The following COL4A3 variants were observed in gnomAD, a reference collection of about 807,000 sequenced individuals.
COL4A3 encodes collagen alpha-3(IV) chain.
A neutral mutation model predicts 217.4 loss-of-function variants in COL4A3; 135 were observed. That is an observed-to-expected ratio of 0.62 (90% confidence interval 0.54 to 0.72). The LOEUF (loss-of-function observed/expected upper bound fraction) is 0.72, where lower values mean the gene tolerates loss of function less well. Among genes scored for constraint, COL4A3 ranks in the 30% least tolerant of loss-of-function variants. The pLI, the probability that COL4A3 is intolerant of heterozygous loss-of-function variation, is 0.00. For synonymous variants in COL4A3, 690 were observed against 736.3 expected, an observed-to-expected ratio of 0.94 and a Z score of 1.02; for missense variants, 1,868 against 2,119.9, an observed-to-expected ratio of 0.88 and a Z score of 2.33.
At chr2:227,210,563 C>G (rs541271925) in intron 1 of COL4A3, among the ~76,000 whole-genome samples, 33 of 152,252 alleles carry the variant, frequency 2.2e-4, no homozygotes, top group African/African-American at 7.5e-4. Context: ...GCACACCAGC[C>G]TGGGTGACAG....
chr2:227,209,003 A>T (rs2067211326), intron 1 of COL4A3, among the ~76,000 whole-genome samples: 1 of 152,218 alleles, frequency 6.6e-6, no homozygotes, highest in African/African-American at 2.4e-5. Context: ...CAAGTTGAGG[A>T]ATTCCCAAGG....
At chr2:227,226,806 T>A (rs1044783942) in intron 1 of COL4A3, among the ~76,000 whole-genome samples, 4 of 152,108 alleles carry the variant, frequency 2.6e-5, no homozygotes, top group Admixed American at 1.3e-4. Context: ...TATATTGCCA[T>A]AGAAAAAATA....
chr2:227,208,215 C>T (rs1263581862), intron 1 of COL4A3, among the ~76,000 whole-genome samples: 1 of 152,172 alleles, frequency 6.6e-6, no homozygotes, highest in Admixed American at 6.5e-5. Context: ...GATAACAGCC[C>T]TTTCCCAAAA....
intron 5 of COL4A3, among the ~76,000 whole-genome samples, chr2:227,245,307 T>A (rs973283644): frequency 4.6e-5 from 7 of 150,690 alleles, no homozygotes; most frequent in African/African-American, 1.2e-4. Flanking sequence ...CAAAAATATT[T>A]AAAAAAAAAC....
chr2:227,276,549 C>T, intron 27 of COL4A3, 72 bp downstream of exon 27: 2 of 1,151,922 alleles, frequency 1.7e-6, no homozygotes, highest in East Asian at 2.3e-5. Context: ...TGGAAAAATA[C>T]TGTCCCCATT....
Position 227,290,018 on chromosome 2 carries a change from C to T in COL4A3, c.3000C>T (p.Gly1000=). 6.2e-7 allele frequency: 1 copy of T among 1,614,092 alleles called. No individual in the cohort carries two copies. The highest frequency in any genetic ancestry group is 8.5e-7 in the Non-Finnish European group (1 of 1,179,986). Reference sequence around the variant, plus strand: ...CTCAAGGCCCCAGAGGAGATTTGGGCAGCACTGGGAATCCTGGAGAACCAG... The same window carrying T: ...CTCAAGGCCCCAGAGGAGATTTGGGTAGCACTGGGAATCCTGGAGAACCAG... The part of the protein sequence containing the change: ...AGPPGPRGDL[G]STGNPGEPGL... The change falls in exon 36 of 52, where the codon GGC becomes GGT. Residue 1000 remains glycine, a synonymous_variant. Coordinates refer to ENST00000396578, the MANE Select transcript of COL4A3 (RefSeq NM_000091.5).
At chr2:227,217,384 C>A (rs982769881) in intron 1 of COL4A3, among the ~76,000 whole-genome samples, 3 of 152,170 alleles carry the variant, frequency 2.0e-5, no homozygotes, top group Non-Finnish European at 4.4e-5. Flanking sequence ...TACCACCTTG[C>A]TCCTTTTGTA....
chr2:227,294,306 C>G (rs1229477210), intron 38 of COL4A3, 184 bp from the exon 39 acceptor site: 2 of 654,528 alleles, frequency 3.1e-6, no homozygotes, highest in Non-Finnish European at 2.8e-6. Context: ...TTAGACACAT[C>G]TCTGCACTGG....
chr2:227,165,968 C>A (rs2065254917), intron 1 of COL4A3, among the ~76,000 whole-genome samples: 1 of 152,176 alleles, frequency 6.6e-6, no homozygotes, highest in South Asian at 2.1e-4. Context: ...AATTTACACA[C>A]ACACATATGA....
At chr2:227,244,821 C>A in intron 4 of COL4A3, 130 bp from the exon 5 acceptor site, 1 of 934,356 alleles carries the variant, frequency 1.1e-6, no homozygotes, top group Non-Finnish European at 1.8e-6. Context: ...TTTTCCCAAT[C>A]GTTTCGAGCT....
chr2:227,260,059 G>A lies in COL4A3; in HGVS notation c.1114+182G>A, dbSNP rs368583482. The A allele has an allele frequency of 8.0e-6, 6 of 751,230 alleles. No individual in the cohort carries two copies. In the African/African-American group the frequency reaches 1.0e-4, roughly 13 times the overall value. 46.5% of individuals were successfully genotyped at this position (751,230 alleles called of 1,614,324 possible). Reference sequence around the variant, plus strand: ...TCTTCATATTTTTATTTCATAGGTTGTATACCAGGAAGGTAATTAAATTAT... The same window carrying A: ...TCTTCATATTTTTATTTCATAGGTTATATACCAGGAAGGTAATTAAATTAT... On this transcript the variant is annotated intron_variant, in intron 19 of 51. Coordinates refer to ENST00000396578, the MANE Select transcript of COL4A3 (RefSeq NM_000091.5).
In COL4A3 at chr2:227,253,465, A is replaced by T; in HGVS notation, c.688-96A>T. ...TTCATTTGTTCTATCTTCCCGTATA[A>T]GCACTAAAGGGGAAAAGTAGACCTT... is the stretch of plus-strand genomic sequence containing the variant. On this transcript the variant is annotated intron_variant, in intron 12 of 51. Coordinates refer to ENST00000396578, the MANE Select transcript of COL4A3 (RefSeq NM_000091.5). This position sits in a 1 kb window ranked among gnomAD's most constrained non-coding sequence, Gnocchi z 4.4. 7.1e-7 allele frequency: 1 copy of T among 1,407,458 alleles called. No homozygotes were observed. Among genetic ancestry groups the T allele is most frequent in the Non-Finnish European group, 1.0e-6 (1 of 991,694 alleles). 87.2% of individuals were successfully genotyped at this position (1,407,458 alleles called of 1,614,324 possible). A position where few individuals can be genotyped will look rare whatever the true frequency, so the allele number is the denominator to read the frequency against.
chr2:227,204,191 A>G (rs1203184700), intron 1 of COL4A3, among the ~76,000 whole-genome samples: 2 of 152,198 alleles, frequency 1.3e-5, no homozygotes, highest in African/African-American at 2.4e-5. Flanking sequence ...AAAATTACCT[A>G]GTCTTTCTGT....
chr2:227,284,438 C>G, intron 34 of COL4A3, 93 bp downstream of exon 34: 2 of 1,386,536 alleles, frequency 1.4e-6, no homozygotes, highest in Non-Finnish European at 2.0e-6. Context: ...CAAATAAGGA[C>G]AGTGAGGGCC....
chr2:227,188,613 C>T (rs114750520), intron 1 of COL4A3, among the ~76,000 whole-genome samples: 2,570 of 152,284 alleles, frequency 0.017, 83 homozygotes, highest in African/African-American at 0.058. Context: ...TTGTTTAAAA[C>T]TGGAACCATT....
At chr2:227,241,579 TAGG>T (rs1170342100) in intron 3 of COL4A3, among the ~76,000 whole-genome samples, 1 of 151,896 alleles carries the variant, frequency 6.6e-6, no homozygotes, top group Non-Finnish European at 1.5e-5. Flanking sequence ...GAGGCTGAGG[TAGG>T]AGGATTGCTT....
intron 1 of COL4A3, among the ~76,000 whole-genome samples, chr2:227,237,568 T>C (rs1204701759): frequency 6.6e-6 from 1 of 152,228 alleles, no homozygotes; most frequent in East Asian, 1.9e-4. Context: ...GACCACTTTT[T>C]AACTATGACA....
intron 26 of COL4A3, among the ~76,000 whole-genome samples, chr2:227,274,831 C>CAA (rs1468856141): frequency 6.6e-6 from 1 of 152,118 alleles, no homozygotes; most frequent in African/African-American, 2.4e-5. Context: ...CAGGTACTAG[C>CAA]AAACGGTGGT....
intron 34 of COL4A3, among the ~76,000 whole-genome samples, chr2:227,285,460 GAAAA>G (rs2072262641): frequency 6.6e-6 from 1 of 151,518 alleles, no homozygotes; most frequent in African/African-American, 2.4e-5. Context: ...TTTTAGCAAT[GAAAA>G]AGAAAGTAAT....
Sources: gnomAD v4.1 joint callset for allele counts (sites outside exome capture counted in the v4.1 genomes callset) on GRCh38, gnomAD v4.1.1 for gene constraint, Gnocchi (gnomAD v3.1) non-coding constraint, MANE v1.5 for transcripts, NCBI Gene and HGNC (gene_info 2026-07-23, HGNC 2026-07-21) for gene names.